Variants in KALRN observed in about 807,000 individuals in gnomAD.
KALRN encodes the protein kalirin.
In KALRN, 70 loss-of-function variants were observed where a neutral mutation model predicts 353.7. The observed-to-expected ratio is 0.20, with a 90% CI of 0.16 to 0.24. KALRN has a LOEUF of 0.24. Ranked by LOEUF, KALRN falls within the 10% of genes least tolerant of loss-of-function variation. The pLI is 1.00. For synonymous variants in KALRN, 1,391 were observed against 1,434.8 expected (o/e 0.97, Z 0.69); for missense variants, 2,791 against 3,756.7 (o/e 0.74, Z 6.72).
At chr3:124,073,041 C>T (rs908037579) in intron 1 of KALRN, among the ~76,000 whole-genome samples, 17 of 152,320 alleles carry the variant, frequency 1.1e-4, no homozygotes, top group East Asian at 1.9e-4. Context: ...GTTCCGATGA[C>T]GGCTTGGCAT....
intron 33 of KALRN, among the ~76,000 whole-genome samples, chr3:124,520,030 A>G (rs1466990655): frequency 6.6e-6 from 1 of 152,160 alleles, no homozygotes; most frequent in African/African-American, 2.4e-5. Flanking sequence ...AATGAGAATC[A>G]TATCAACCAC....
intron 36 of KALRN, among the ~76,000 whole-genome samples, chr3:124,635,571 G>A (rs531880957): frequency 2.0e-5 from 3 of 152,070 alleles, no homozygotes; most frequent in Admixed American, 6.5e-5. Context: ...TTGGGAGTGG[G>A]ATGAACTTCA....
At chr3:124,522,363 C>CT (rs753604089) in intron 33 of KALRN, among the ~76,000 whole-genome samples, 9 of 151,922 alleles carry the variant, frequency 5.9e-5, no homozygotes, top group Non-Finnish European at 1.3e-4. Flanking sequence ...AAATATATCT[C>CT]TTTAAGTGTG....
intron 34 of KALRN, among the ~76,000 whole-genome samples, chr3:124,630,427 C>T (rs759696886): frequency 4.6e-4 from 69 of 150,494 alleles, no homozygotes; most frequent in Non-Finnish European, 9.3e-4. Flanking sequence ...GATGGAGTCT[C>T]CCTCTGTCAC....
intron 1 of KALRN, among the ~76,000 whole-genome samples, chr3:124,084,710 T>C (rs1272750246): frequency 1.3e-5 from 2 of 152,208 alleles, no homozygotes; most frequent in Non-Finnish European, 2.9e-5. Context: ...TTTCTGTTTT[T>C]GGTTATGGGA....
Position 124,632,059 on chromosome 3 carries a change from G to A in KALRN, c.5183-361G>A, listed in dbSNP as rs746003936. ...CCCCAGCACTCCCTAATCCCTTCCCGTACTTTGTGTTTTGATGTAGCACTT... is the reference window on the plus strand; with the variant it reads ...CCCCAGCACTCCCTAATCCCTTCCCATACTTTGTGTTTTGATGTAGCACTT... On this transcript the variant is annotated intron_variant, in intron 34 of 59. Transcript: ENST00000682506. 2.1e-4 allele frequency among the ~76,000 whole-genome samples: 32 copies of A among 151,994 alleles called. 1 individual carries two copies. Among genetic ancestry groups the A allele is most frequent in the Admixed American group, 3.3e-4 (5 of 15,256 alleles).
At chr3:124,226,890 C>G (rs1333283189) in intron 1 of KALRN, among the ~76,000 whole-genome samples, 1 of 152,170 alleles carries the variant, frequency 6.6e-6, no homozygotes. Context: ...GTTCTGCTCT[C>G]TGAGCTGACA....
At chr3:124,144,525 T>G (rs1408449830) in intron 1 of KALRN, among the ~76,000 whole-genome samples, 1 of 151,938 alleles carries the variant, frequency 6.6e-6, no homozygotes, top group African/African-American at 2.4e-5. Flanking sequence ...CTCCTTCTCC[T>G]CTTCCTCGTC....
intron 34 of KALRN, among the ~76,000 whole-genome samples, chr3:124,596,274 A>G (rs66569153): frequency 0.15 from 23,420 of 151,810 alleles, 1,940 homozygotes; most frequent in Middle Eastern, 0.19. Context: ...ACCTGAGGTC[A>G]GCAGTTCGAG....
At chr3:124,349,542 G>A (rs903559958) in intron 10 of KALRN, among the ~76,000 whole-genome samples, 1 of 152,160 alleles carries the variant, frequency 6.6e-6, no homozygotes. Flanking sequence ...GAAGCCAAAA[G>A]ATTGGACACC....
intron 1 of KALRN, among the ~76,000 whole-genome samples, chr3:124,077,531 C>A (rs1434130551): frequency 1.2e-4 from 18 of 152,272 alleles, no homozygotes; most frequent in African/African-American, 3.1e-4. Context: ...CCGCATCCTT[C>A]CAGTCATTCA....
intron 34 of KALRN, among the ~76,000 whole-genome samples, chr3:124,578,091 A>C (rs2149226175): frequency 6.6e-6 from 1 of 152,274 alleles, no homozygotes; most frequent in Admixed American, 6.5e-5. Context: ...AATTAAACCA[A>C]CTTCTGCTAG....
chr3:124,185,049 C>A (rs188540495), intron 1 of KALRN, among the ~76,000 whole-genome samples: 1 of 152,212 alleles, frequency 6.6e-6, no homozygotes, highest in East Asian at 1.9e-4. Flanking sequence ...GGATTTCACT[C>A]CTGTTGCCCA....
chr3:124,463,209 G>A (rs2060012220), intron 25 of KALRN, among the ~76,000 whole-genome samples: 1 of 152,136 alleles, frequency 6.6e-6, no homozygotes, highest in Admixed American at 6.5e-5. Flanking sequence ...ATGTTCCATG[G>A]TTAACAAAGG....
chr3:124,193,219 C>T (rs1224375462), intron 1 of KALRN, among the ~76,000 whole-genome samples: 2 of 152,070 alleles, frequency 1.3e-5, no homozygotes, highest in Non-Finnish European at 2.9e-5. Flanking sequence ...CAGCGGAAAG[C>T]CCTGTTGGGA....
intron 1 of KALRN, chr3:124,082,229 G>T (rs1445114477): frequency 2.1e-6 from 1 of 470,320 alleles, no homozygotes; most frequent in South Asian, 1.6e-5. Flanking sequence ...TTGAGGAAAA[G>T]TTCTTGTGTT....
intron 33 of KALRN, among the ~76,000 whole-genome samples, chr3:124,496,745 G>T (rs1458575262): frequency 6.6e-6 from 1 of 152,172 alleles, no homozygotes. Flanking sequence ...TGTGCCTTCT[G>T]GGGGGATGGA....
At chr3:124,560,593 A>C (rs529896630) in intron 33 of KALRN, among the ~76,000 whole-genome samples, 13 of 152,346 alleles carry the variant, frequency 8.5e-5, no homozygotes, top group African/African-American at 3.1e-4. Flanking sequence ...CTTACAGAGC[A>C]CTTTGGAATC....
At chr3:124,296,926 G>A (rs1318097587) in intron 5 of KALRN, among the ~76,000 whole-genome samples, 1 of 152,192 alleles carries the variant, frequency 6.6e-6, no homozygotes, top group Non-Finnish European at 1.5e-5. Flanking sequence ...GATAGGTGAG[G>A]TGGCCTCTTC....
Sources: allele counts gnomAD v4.1 joint callset (sites outside exome capture counted in the v4.1 genomes callset), GRCh38; gene constraint gnomAD v4.1.1; transcripts MANE v1.5; gene names NCBI Gene and HGNC (gene_info 2026-07-23, HGNC 2026-07-21).